Variants in PPFIBP2 observed in about 807,000 individuals in gnomAD.
The protein encoded by PPFIBP2 is PPFIB scaffold protein 2.
Under a neutral mutation model 118.3 loss-of-function variants are expected in PPFIBP2, and 118 were observed. That is an observed-to-expected ratio of 1.00 (90% CI 0.86 to 1.16). The LOEUF (loss-of-function observed/expected upper bound fraction) is 1.16. PPFIBP2 is among the 50% of genes most tolerant of loss of function. The pLI, the probability that PPFIBP2 is intolerant of heterozygous loss-of-function variation, is 0.00. For synonymous variants in PPFIBP2, 414 were observed against 397.4 expected, an observed-to-expected ratio of 1.04 and a Z score of -0.50; for missense variants, 1,195 against 1,073.1, an observed-to-expected ratio of 1.11 and a Z score of -1.59.
intron 4 of PPFIBP2, among the ~76,000 whole-genome samples, chr11:7,594,129 T>G (rs1446412166): frequency 6.6e-6 from 1 of 151,874 alleles, no homozygotes; most frequent in Non-Finnish European, 1.5e-5. Flanking sequence ...GGTGGCAGTG[T>G]GTTTGTTTTT....
chr11:7,589,073 C>A (rs541634027), intron 3 of PPFIBP2, among the ~76,000 whole-genome samples: 1 of 152,336 alleles, frequency 6.6e-6, no homozygotes, highest in Middle Eastern at 3.4e-3. Flanking sequence ...TTCCCTGTCA[C>A]ATTTGTAGCA....
At position 7,610,382 on chromosome 11, in the gene PPFIBP2, A is replaced by C. The variant is rs1456024201; in HGVS notation, c.578A>C (p.Lys193Thr). Residue 193 changes from lysine to threonine, a missense_variant, in exon 6 of 24, where the codon AAG (lysine) becomes ACG (threonine). Coordinates refer to ENST00000299492, the MANE Select transcript of PPFIBP2 (RefSeq NM_003621.5). ...ELKLKLVGMEKEQREQEEKQR... is the reference protein window; with the variant it reads ...ELKLKLVGMETEQREQEEKQR... ...AAGCTCAAGCTGGTTGGCATGGAGAAGGAGCAGAGAGAGCAGGAGGAGAAG... is the reference window on the plus strand; with the variant it reads ...AAGCTCAAGCTGGTTGGCATGGAGACGGAGCAGAGAGAGCAGGAGGAGAAG... 6.2e-7 allele frequency: 1 copy of C among 1,614,060 alleles called. No homozygotes were observed.
chr11:7,602,800 T>C (rs1324081464), intron 5 of PPFIBP2, among the ~76,000 whole-genome samples: 1 of 152,026 alleles, frequency 6.6e-6, no homozygotes, highest in African/African-American at 2.4e-5. Context: ...TTAGGTGAGG[T>C]TGGGGAGTGA....
intron 1 of PPFIBP2, among the ~76,000 whole-genome samples, chr11:7,523,868 T>C (rs1186732897): frequency 6.6e-6 from 1 of 152,134 alleles, no homozygotes; most frequent in Non-Finnish European, 1.5e-5. Context: ...GAGGTGTGTT[T>C]AGTGGGGATA....
chr11:7,584,380 G>A (rs1313088714), intron 3 of PPFIBP2, among the ~76,000 whole-genome samples: 1 of 152,174 alleles, frequency 6.6e-6, no homozygotes, highest in East Asian at 1.9e-4. Context: ...ATAATTGAGG[G>A]GAGGAGGGAA....
chr11:7,597,231 G>T, intron 4 of PPFIBP2: 1 of 1,525,456 alleles, frequency 6.6e-7, no homozygotes, highest in Non-Finnish European at 8.8e-7. Context: ...CTTGAGGTCG[G>T]GGCTGTTCTG....
At chr11:7,552,529 C>T (rs185673534) in intron 2 of PPFIBP2, among the ~76,000 whole-genome samples, 10 of 152,288 alleles carry the variant, frequency 6.6e-5, no homozygotes, top group Admixed American at 6.5e-4. Flanking sequence ...TGCATCTGTT[C>T]TTGCTCCCTT....
chr11:7,544,275 G>C (rs939189652), intron 1 of PPFIBP2, among the ~76,000 whole-genome samples: 2 of 152,172 alleles, frequency 1.3e-5, no homozygotes, highest in Non-Finnish European at 2.9e-5. Context: ...AGTGTCCAGA[G>C]AGAATGAAAA....
At chr11:7,665,503 C>T in the PPFIBP2 span, 504 of 1,613,620 alleles carry the variant, frequency 3.1e-4, 9 homozygotes, top group South Asian at 5.1e-3. Context: ...GAAGGTGCTC[C>T]TTGATCATGT....
chr11:7,632,959 C>T (rs764765186), intron 12 of PPFIBP2, 25 bp downstream of exon 12: 1 of 1,602,802 alleles, frequency 6.2e-7, no homozygotes, highest in Non-Finnish European at 8.5e-7. Flanking sequence ...CATTTCCCCA[C>T]AGCCACTGTG....
intron 2 of PPFIBP2, among the ~76,000 whole-genome samples, chr11:7,557,576 C>G (rs926726965): frequency 1.3e-5 from 2 of 150,802 alleles, no homozygotes; most frequent in Non-Finnish European, 2.9e-5. Context: ...ACTGAAACCT[C>G]CATCTCCTGG....
intron 7 of PPFIBP2, among the ~76,000 whole-genome samples, chr11:7,622,779 T>C (rs553074528): frequency 2.6e-4 from 39 of 152,192 alleles, no homozygotes; most frequent in African/African-American, 8.9e-4. Flanking sequence ...GTCCAGTAGC[T>C]CAGAACCTTC....
Position 7,549,528 on chromosome 11 carries a change from GGA to G in PPFIBP2, c.54_55del (p.Ile19HisfsTer5). 6.4e-7 allele frequency: 1 copy of G among 1,563,430 alleles called. No homozygotes were observed. The highest frequency in any genetic ancestry group is 8.7e-7 in the Non-Finnish European group (1 of 1,153,774). On this transcript the variant is annotated frameshift_variant, in exon 2 of 24. Coordinates refer to ENST00000299492, the MANE Select transcript of PPFIBP2 (RefSeq NM_003621.5). LOFTEE classifies it high-confidence loss of function. Reference sequence around the variant, plus strand: ...GAAGCTGCCCTGGAGCAAATGGACGGGATCATTGCAGGTACGCCCAGGGAACC... The same window carrying G: ...GAAGCTGCCCTGGAGCAAATGGACGGTCATTGCAGGTACGCCCAGGGAACC...
rs564205589 is a variant in PPFIBP2 at position 7,620,638 on chromosome 11, CAT to C, written c.619-296_619-295del. Among the ~76,000 whole-genome samples, 23 of 152,324 alleles carry C rather than the reference CAT, an allele frequency of 1.5e-4. No individual in the cohort carries two copies. The South Asian group carries it at 4.6e-3, about 30-fold the overall frequency. On this transcript the variant is annotated intron_variant, in intron 6 of 23. Coordinates refer to ENST00000299492, the MANE Select transcript of PPFIBP2 (RefSeq NM_003621.5). ...GAAGCCTCGCCTGCCTGCCTATACT[CAT>C]GTGTGTGATGTTGGCATACCCCACA... is the stretch of plus-strand genomic sequence containing the variant.
downstream of PPFIBP2, among the ~76,000 whole-genome samples, chr11:7,661,377 C>A (rs1278628599): frequency 6.6e-6 from 1 of 151,400 alleles, no homozygotes. Flanking sequence ...CAAAGAACAT[C>A]TTTATTTCTG....
At chr11:7,665,531 G>A in the PPFIBP2 span, 2 of 1,607,680 alleles carry the variant, frequency 1.2e-6, no homozygotes, top group Non-Finnish European at 1.7e-6. Flanking sequence ...AACGAAGCCT[G>A]AGCTGTACTT....
chr11:7,633,568 A>T (rs1851060288), intron 12 of PPFIBP2, among the ~76,000 whole-genome samples: 1 of 152,166 alleles, frequency 6.6e-6, no homozygotes, highest in African/African-American at 2.4e-5. Context: ...GCTGCCTTTC[A>T]GCTAAGGTGT....
At chr11:7,559,041 GC>G (rs148116051) in intron 2 of PPFIBP2, among the ~76,000 whole-genome samples, 1,864 of 152,230 alleles carry the variant, frequency 0.012, 36 homozygotes, top group African/African-American at 0.043. Flanking sequence ...CTGGAGGAGG[GC>G]CCAGGCATCT....
At chr11:7,564,027 G>T (rs1001346762) in intron 2 of PPFIBP2, among the ~76,000 whole-genome samples, 1 of 152,046 alleles carries the variant, frequency 6.6e-6, no homozygotes, top group African/African-American at 2.4e-5. Flanking sequence ...TTAGCCAGGC[G>T]TGGTGGCGGG....
Sources: allele counts gnomAD v4.1 joint callset (sites outside exome capture counted in the v4.1 genomes callset), GRCh38; gene constraint gnomAD v4.1.1; transcripts MANE v1.5; gene names NCBI Gene and HGNC (gene_info 2026-07-23, HGNC 2026-07-21).